The following PTGFRN variants were observed in gnomAD, a reference collection of about 807,000 sequenced individuals.
PTGFRN encodes prostaglandin F2 receptor inhibitor.
A neutral mutation model predicts 83.2 loss-of-function variants in PTGFRN; 35 were observed. The observed-to-expected ratio is 0.42, with a 90% CI of 0.32 to 0.56. The LOEUF is 0.56. Among genes scored for constraint, PTGFRN ranks in the 20% least tolerant of loss-of-function variants. PTGFRN has a pLI of 0.11. For synonymous variants in PTGFRN, 519 were observed against 498.6 expected (o/e 1.04, Z -0.55); for missense variants, 1,051 against 1,179.5 (o/e 0.89, Z 1.60).
At chr1:116,956,381 G>C (rs1409591545) in intron 4 of PTGFRN, among the ~76,000 whole-genome samples, 1 of 152,224 alleles carries the variant, frequency 6.6e-6, no homozygotes. Context: ...AATTCCTATA[G>C]CTAGATGCAC....
intron 1 of PTGFRN, among the ~76,000 whole-genome samples, chr1:116,912,775 C>T (rs972963208): frequency 2.6e-5 from 4 of 152,220 alleles, no homozygotes; most frequent in Admixed American, 1.3e-4. Context: ...TTCTCTGGCT[C>T]AGACACTTCG....
intron 5 of PTGFRN, among the ~76,000 whole-genome samples, chr1:116,965,758 T>A (rs1650810715): frequency 6.6e-6 from 1 of 152,248 alleles, no homozygotes; most frequent in Non-Finnish European, 1.5e-5. Flanking sequence ...ATTTTATTTG[T>A]TTATTTCATT....
At chr1:116,934,002 T>C (rs974737554) in intron 1 of PTGFRN, among the ~76,000 whole-genome samples, 2 of 152,252 alleles carry the variant, frequency 1.3e-5, no homozygotes, top group Non-Finnish European at 2.9e-5. Flanking sequence ...CTCCCTGTCC[T>C]TCTGGGCCTC....
At chr1:116,925,817 C>T (rs550945527) in intron 1 of PTGFRN, among the ~76,000 whole-genome samples, 3 of 152,088 alleles carry the variant, frequency 2.0e-5, no homozygotes, top group African/African-American at 7.2e-5. Context: ...ATCAACTTTC[C>T]GTGATGATGT....
In PTGFRN at chr1:116,944,669, C is replaced by T. The variant is rs1650140847; in HGVS notation, c.419-10C>T. ...GGACGGGCTACTGACCTAGCTTTCT[C>T]TCTCCGCAGTGCTGGCCGACTCCCT... On this transcript the variant is annotated splice_polypyrimidine_tract_variant and intron_variant, in intron 2 of 8. Coordinates refer to ENST00000393203, the MANE Select transcript of PTGFRN (RefSeq NM_020440.4). 8 of 1,410,222 alleles carry T rather than the reference C, an allele frequency of 5.7e-6. No homozygotes were observed. Among genetic ancestry groups the T allele is most frequent in the Non-Finnish European group, 7.4e-6 (8 of 1,082,292 alleles). The allele number at this position is 1,410,222 out of a possible 1,614,324, so 87.4% of individuals were successfully genotyped here.
chr1:116,985,114 C>A, intron 8 of PTGFRN, 129 bp downstream of exon 8: 2 of 985,370 alleles, frequency 2.0e-6, no homozygotes, highest in Non-Finnish European at 3.0e-6. Context: ...CTTTCTAGAC[C>A]TGGCCTGAGC....
chr1:116,941,168 CAT>C lies in PTGFRN; in HGVS notation c.50-544_50-543del, dbSNP rs1424340562. On this transcript the variant is annotated intron_variant, in intron 1 of 8. Coordinates refer to ENST00000393203, the MANE Select transcript of PTGFRN (RefSeq NM_020440.4). The surrounding 1 kb of genome is among the most constrained non-coding windows in gnomAD (Gnocchi z 5.0). The stretch of plus-strand genomic sequence containing the variant: ...GAAAATTAATACTTGGTAAAATCAT[CAT>C]ATTTTAAAATTAATTTATAGGCAAT... Among the ~76,000 whole-genome samples the C allele has an allele frequency of 1.3e-5, 2 of 152,156 alleles. No homozygotes were observed. The highest frequency in any genetic ancestry group is 2.9e-5 in the Non-Finnish European group (2 of 68,032).
chr1:116,924,240 C>T (rs1215880236), intron 1 of PTGFRN, among the ~76,000 whole-genome samples: 2 of 151,260 alleles, frequency 1.3e-5, no homozygotes, highest in African/African-American at 2.4e-5. Context: ...CTCCGCCTCC[C>T]AGGTTCAAGC....
intron 1 of PTGFRN, among the ~76,000 whole-genome samples, chr1:116,920,814 G>A (rs1174299940): frequency 6.6e-6 from 1 of 152,026 alleles, no homozygotes; most frequent in African/African-American, 2.4e-5. Flanking sequence ...AGTAGAGACG[G>A]GGCTTCACCA....
At chr1:116,938,396 G>A (rs1393173270) in intron 1 of PTGFRN, among the ~76,000 whole-genome samples, 2 of 152,204 alleles carry the variant, frequency 1.3e-5, no homozygotes, top group African/African-American at 4.8e-5. Context: ...TCACAATCGT[G>A]GCGGAAGGCA....
chr1:116,978,030 A>G (rs547660259), intron 7 of PTGFRN, among the ~76,000 whole-genome samples: 118 of 152,370 alleles, frequency 7.7e-4, no homozygotes, highest in African/African-American at 2.5e-3. Context: ...ATAAAAAATG[A>G]TAAAGGGGAT....
intron 5 of PTGFRN, among the ~76,000 whole-genome samples, chr1:116,966,286 C>T (rs944267929): frequency 6.6e-6 from 1 of 152,338 alleles, no homozygotes; most frequent in Middle Eastern, 3.4e-3. Flanking sequence ...GTTTAAACAG[C>T]ATTTCTGAAA....
chr1:116,947,828 T>C (rs545811977), intron 3 of PTGFRN, among the ~76,000 whole-genome samples: 2 of 152,282 alleles, frequency 1.3e-5, no homozygotes, highest in Non-Finnish European at 2.9e-5. Flanking sequence ...TCAGGCTACT[T>C]TTGGCCCTTT....
intron 2 of PTGFRN, among the ~76,000 whole-genome samples, chr1:116,944,056 T>A (rs1650121547): frequency 6.6e-6 from 1 of 152,250 alleles, no homozygotes; most frequent in Non-Finnish European, 1.5e-5. Flanking sequence ...GGCCTGTTCC[T>A]ATCATGTGGA....
At chr1:116,930,621 A>C (rs780011090) in intron 1 of PTGFRN, among the ~76,000 whole-genome samples, 4 of 152,144 alleles carry the variant, frequency 2.6e-5, no homozygotes, top group Non-Finnish European at 5.9e-5. Context: ...TCACAGGTCT[A>C]CCAGTTGACC....
chr1:116,989,869 T>A lies in PTGFRN; in HGVS notation c.*2902T>A, dbSNP rs571470060. Reference sequence around the variant, plus strand: ...CCATCTGAGGGGCTCCCTGAGATCTTGGTAGAGGAGGCCCCTCCTGCCCAG... The same window carrying A: ...CCATCTGAGGGGCTCCCTGAGATCTAGGTAGAGGAGGCCCCTCCTGCCCAG... On this transcript the variant is annotated 3_prime_UTR_variant, in exon 9 of 9. Coordinates refer to ENST00000393203, the MANE Select transcript of PTGFRN (RefSeq NM_020440.4). 2.0e-5 allele frequency: 3 copies of A among 152,734 alleles called. No homozygotes were observed. Among genetic ancestry groups the A allele is most frequent in the South Asian group, 4.2e-4 (2 of 4,814 alleles). 9.5% of individuals were successfully genotyped at this position (152,734 alleles called of 1,614,324 possible).
At chr1:116,921,397 G>A (rs922904200) in intron 1 of PTGFRN, among the ~76,000 whole-genome samples, 10 of 152,158 alleles carry the variant, frequency 6.6e-5, no homozygotes, top group East Asian at 1.9e-4. Flanking sequence ...GAAAGCTGGC[G>A]CATTGAAACG....
At position 116,952,508 on chromosome 1, in the gene PTGFRN, T is replaced by C. The variant is rs1283062510; in HGVS notation, c.1213+2936T>C. The stretch of plus-strand genomic sequence containing the variant: ...AGTTGGCTTGCAAAATGAGGTACAG[T>C]TTAAAGCAGGAGACATAAAATCAAG... On this transcript the variant is annotated intron_variant, in intron 4 of 8. Transcript: ENST00000393203. The surrounding 1 kb of genome is among the most constrained non-coding windows in gnomAD (Gnocchi z 4.0). Among the ~76,000 whole-genome samples the C allele has an allele frequency of 5.3e-5, 8 of 151,996 alleles. No homozygotes were observed. Among genetic ancestry groups the C allele is most frequent in the African/African-American group, 1.9e-4 (8 of 41,378 alleles).
rs1306909046 is a variant in PTGFRN, at chr1:116,988,951, G to A, written c.*1984G>A. The A allele has an allele frequency of 6.6e-6, 1 of 152,266 alleles. No individual in the cohort carries two copies. The highest frequency in any genetic ancestry group is 1.9e-4 in the East Asian group (1 of 5,206). The allele number at this position is 152,266 out of a possible 1,614,324, so 9.4% of individuals were successfully genotyped here. On this transcript the variant is annotated 3_prime_UTR_variant, in exon 9 of 9. Coordinates refer to ENST00000393203, the MANE Select transcript of PTGFRN (RefSeq NM_020440.4). ...ACATATCCTAACTGCTATTTCAGAA[G>A]AGGCAGCTTGTAGGTGATTGTACAA...
Sources: allele counts gnomAD v4.1 joint callset (sites outside exome capture counted in the v4.1 genomes callset), GRCh38; gene constraint gnomAD v4.1.1; non-coding constraint Gnocchi (gnomAD v3.1); transcripts MANE v1.5; gene names NCBI Gene and HGNC (gene_info 2026-07-23, HGNC 2026-07-21).